The following JADE2 variants were observed in gnomAD, a reference collection of about 807,000 sequenced individuals.
The protein encoded by JADE2 is jade family PHD finger 2.
JADE2 carries 13 observed loss-of-function variants against 85.7 expected under a neutral mutation model. The ratio of observed to expected loss-of-function variants is 0.15; its 90% CI spans 0.10 to 0.24. The LOEUF is 0.24. Among genes scored for constraint, JADE2 ranks in the 10% least tolerant of loss-of-function variants. The pLI, the probability that JADE2 is intolerant of heterozygous loss-of-function variation, is 1.00. For synonymous variants in JADE2, 440 were observed against 456.1 expected (o/e 0.96, Z 0.45); for missense variants, 846 against 1,115.9 (o/e 0.76, Z 3.45).
chr5:134,579,165 G>A lies in JADE2; in HGVS notation c.2353G>A (p.Val785Ile), dbSNP rs150769459. The change falls in exon 12 of 12, where the codon GTC (valine) becomes ATC (isoleucine). Residue 785 changes from valine (V) to isoleucine (I), a missense_variant. Val to Ile is a conservative substitution (Grantham distance 29). Around this residue, in one of 9 missense-constraint regions of JADE2, gnomAD observed 300 missense variants for 300.7 expected, o/e 1.00. Transcript: ENST00000681547. The surrounding 1 kb of genome is among the most constrained non-coding windows in gnomAD (Gnocchi z 4.6). ...PPSAVAERPK[V>I]SLHFDTETDG... ...TTCAGCTGTGGCTGAGAGGCCCAAG[G>A]TCAGCCTGCATTTTGACACTGAGAC... 7.6e-4 allele frequency: 1,221 copies of A among 1,614,264 alleles called. 1 individual carries two copies. Among genetic ancestry groups the A allele is most frequent in the Middle Eastern group, 2.0e-3 (12 of 6,062 alleles).
Position 134,552,156 on chromosome 5 carries a change from G to A in JADE2, c.258G>A (p.Glu86=). The change falls in exon 4 of 12, where the codon GAG becomes GAA. Residue 86 remains glutamate, a synonymous_variant. Coordinates refer to ENST00000681547, the MANE Select transcript of JADE2 (RefSeq NM_001388185.1). ...CAGACCCATGGCGACAGGAATGGGA[G>A]AAAGGTGTGCAGGTGCCTGCCGGGG... ...ILADPWRQEW[E]KGVQVPAGAE... is the part of the protein sequence containing the mutation. 1 of 1,614,246 alleles carries A rather than the reference G, an allele frequency of 6.2e-7. No homozygotes were observed. The highest frequency in any genetic ancestry group is 8.5e-7 in the Non-Finnish European group (1 of 1,180,038).
At chr5:134,574,613 C>T (rs329324) in intron 10 of JADE2, 20,446 of 152,498 alleles carry the variant, frequency 0.13, 1,785 homozygotes, top group South Asian at 0.41. Flanking sequence ...ACTTCTGCCC[C>T]AGAGCTGAGC....
At chr5:134,558,438 G>A (rs1196351761) in intron 4 of JADE2, among the ~76,000 whole-genome samples, 5 of 149,498 alleles carry the variant, frequency 3.3e-5, no homozygotes, top group Non-Finnish European at 7.4e-5. Context: ...TTGGTGTTTT[G>A]GACATGAAGT....
Position 134,525,975 on chromosome 5 carries a change from G to A in JADE2, c.-37G>A, listed in dbSNP as rs1288237255. 1.0e-6 allele frequency: 1 copy of A among 985,498 alleles called. No homozygotes were observed. The highest frequency in any genetic ancestry group is 1.2e-6 in the Non-Finnish European group (1 of 830,172). 61.0% of individuals were successfully genotyped at this position (985,498 alleles called of 1,614,324 possible). On this transcript the variant is annotated 5_prime_UTR_variant, in exon 1 of 12. Transcript: ENST00000681547. ...CCGGTCCCTGCAGCGGCGCGTAGCC[G>A]AGGGCAGCGCCCGTCAGGGGGGCAC...
At chr5:134,555,974 G>A (rs1762889618) in intron 4 of JADE2, among the ~76,000 whole-genome samples, 1 of 152,076 alleles carries the variant, frequency 6.6e-6, no homozygotes, top group Non-Finnish European at 1.5e-5. Context: ...CTCCTGGCTC[G>A]GAGGCCATTC....
chr5:134,548,291 G>A (rs967628509), intron 3 of JADE2, among the ~76,000 whole-genome samples: 2 of 152,228 alleles, frequency 1.3e-5, no homozygotes, highest in Non-Finnish European at 2.9e-5. Context: ...TGGCCAAAAG[G>A]GGCAGGAGTT....
At chr5:134,569,648 C>A (rs1254186582) in intron 9 of JADE2, among the ~76,000 whole-genome samples, 3 of 152,132 alleles carry the variant, frequency 2.0e-5, no homozygotes, top group African/African-American at 7.2e-5. Flanking sequence ...CTGACCTGGC[C>A]TGAGGAGGAG....
rs1015610417 is a variant in JADE2, at chr5:134,580,988, T to TC, written c.*1673dup. 3 of 152,574 alleles carry TC rather than the reference T, an allele frequency of 2.0e-5. No homozygotes were observed. Among genetic ancestry groups the TC allele is most frequent in the African/African-American group, 7.2e-5 (3 of 41,442 alleles). 9.5% of individuals were successfully genotyped at this position (152,574 alleles called of 1,614,324 possible). A position where few individuals can be genotyped will look rare whatever the true frequency, so the allele number is the denominator to read the frequency against. On this transcript the variant is annotated 3_prime_UTR_variant, in exon 12 of 12. Coordinates refer to ENST00000681547, the MANE Select transcript of JADE2 (RefSeq NM_001388185.1). ...AAAACGTCTTTACCATGTGGTTCCCTCCTCCCCAAATACATAAAGCAAATA... is the reference window on the plus strand; with the variant it reads ...AAAACGTCTTTACCATGTGGTTCCCTCCCTCCCCAAATACATAAAGCAAATA...
At chr5:134,547,697 A>G (rs113454860) in intron 3 of JADE2, among the ~76,000 whole-genome samples, 3 of 152,338 alleles carry the variant, frequency 2.0e-5, no homozygotes, top group African/African-American at 7.2e-5. Flanking sequence ...TTTGGAAGGC[A>G]TGGAGTACCC....
In JADE2 at chr5:134,562,269, C is replaced by G. The variant is rs1339590236; in HGVS notation, c.754C>G (p.Pro252Ala). 2 of 1,613,970 alleles carry G rather than the reference C, an allele frequency of 1.2e-6. No homozygotes were observed. The highest frequency in any genetic ancestry group is 1.6e-4 in the Middle Eastern group (1 of 6,084). ...LCRTCALGVQ[P>A]KCLLCPKRGG... The stretch of plus-strand genomic sequence containing the variant: ...CCGGACGTGTGCCCTGGGTGTCCAG[C>G]CAAAGTGCCTGCTCTGCCCCAAGCG... Residue 252 changes from proline (P) to alanine (A), a missense_variant, in exon 7 of 12, where the codon CCA (proline) becomes GCA (alanine). Around this residue, in one of 9 missense-constraint regions of JADE2, gnomAD observed 129 missense variants for 255.4 expected, o/e 0.51. Coordinates refer to ENST00000681547, the MANE Select transcript of JADE2 (RefSeq NM_001388185.1). The surrounding 1 kb of genome is among the most constrained non-coding windows in gnomAD (Gnocchi z 4.6).
Position 134,576,818 on chromosome 5 carries a change from G to A in JADE2, c.1603G>A (p.Gly535Ser), listed in dbSNP as rs1764395950. The A allele has an allele frequency of 1.2e-5, 18 of 1,550,434 alleles. No homozygotes were observed. The highest frequency in any genetic ancestry group is 2.0e-5 in the Admixed American group (1 of 50,970). The change falls in exon 11 of 12, where the codon GGC becomes AGC. Residue 535 changes from glycine (G) to serine (S), a missense_variant. Gly to Ser is a moderately conservative substitution (Grantham distance 56). Around this residue, in one of 9 missense-constraint regions of JADE2, gnomAD observed 119 missense variants for 163.9 expected, o/e 0.73. Coordinates refer to ENST00000681547, the MANE Select transcript of JADE2 (RefSeq NM_001388185.1). ...CAAGAAGAGTGACTCGAAGAGGAAG[G>A]GCTGCGAGGGCTCCAAGGGCAGCAC... ...KGKKSDSKRK[G>S]CEGSKGSTEK...
Position 134,576,792 on chromosome 5 carries a change from G to A in JADE2, c.1577G>A (p.Gly526Asp), listed in dbSNP as rs971877774. ...GAGCGGTCTGGGAGGAGAGCAAAGG[G>A]CAAGAAGAGTGACTCGAAGAGGAAG... ...CRERSGRRAKGKKSDSKRKGC... is the reference protein window; with the variant it reads ...CRERSGRRAKDKKSDSKRKGC... Residue 526 changes from glycine (G) to aspartate (D), a missense_variant, in exon 11 of 12, where the codon GGC (glycine) becomes GAC (aspartate). Gly to Asp is a moderately conservative substitution (Grantham distance 94). Around this residue, in one of 9 missense-constraint regions of JADE2, gnomAD observed 119 missense variants for 163.9 expected, o/e 0.73. Coordinates refer to ENST00000681547, the MANE Select transcript of JADE2 (RefSeq NM_001388185.1). 3 of 1,550,474 alleles carry A rather than the reference G, an allele frequency of 1.9e-6. No homozygotes were observed. Among genetic ancestry groups the A allele is most frequent in the African/African-American group, 2.7e-5 (2 of 73,034 alleles).
intron 11 of JADE2, chr5:134,577,174 G>C (rs1286798307): frequency 2.8e-6 from 1 of 363,618 alleles, no homozygotes; most frequent in Non-Finnish European, 4.9e-6. Context: ...CCCCTGGCTG[G>C]GGGGTCCTGG....
chr5:134,576,922 A>G (rs1481495591), intron 11 of JADE2, 26 bp downstream of exon 11: 1 of 1,516,528 alleles, frequency 6.6e-7, no homozygotes, highest in African/African-American at 1.4e-5. Flanking sequence ...GCTGGCCTGC[A>G]GACACGGCAG....
rs1422797493 is a variant in JADE2, at chr5:134,579,460, A to T, written c.*143A>T. On this transcript the variant is annotated 3_prime_UTR_variant, in exon 12 of 12. Transcript: ENST00000681547. This position sits in a 1 kb window ranked among gnomAD's most constrained non-coding sequence, Gnocchi z 4.6. ...TCGTGGTTTTATTTTTAATATAGAG[A>T]GAGTTTTGAATTCTACACTGTTGTC... 1 of 642,972 alleles carries T rather than the reference A, an allele frequency of 1.6e-6. No homozygotes were observed. Among genetic ancestry groups the T allele is most frequent in the East Asian group, 2.7e-5 (1 of 36,426 alleles). The allele number at this position is 642,972 out of a possible 1,614,324, so 39.8% of individuals were successfully genotyped here. A position where few individuals can be genotyped will look rare whatever the true frequency, so the allele number is the denominator to read the frequency against.
At chr5:134,577,020 C>T (rs1008248619) in intron 11 of JADE2, 124 bp downstream of exon 11, 3 of 1,179,622 alleles carry the variant, frequency 2.5e-6, no homozygotes. Context: ...GAGCGGTAAC[C>T]AGGCCCTTGC....
intron 4 of JADE2, among the ~76,000 whole-genome samples, chr5:134,557,453 A>G (rs898485018): frequency 5.9e-5 from 8 of 136,396 alleles, no homozygotes; most frequent in African/African-American, 2.2e-4. Flanking sequence ...ATATGTATAC[A>G]TGTGCCATGC....
chr5:134,560,509 C>T (rs1437918242), intron 5 of JADE2, among the ~76,000 whole-genome samples: 1 of 152,210 alleles, frequency 6.6e-6, no homozygotes, highest in Non-Finnish European at 1.5e-5. Context: ...CCTGTGGTCA[C>T]AGGCAGGCTG....
In JADE2 at chr5:134,582,191, T is replaced by G. The variant is rs1764744260; in HGVS notation, c.*2874T>G. ...CAAAGGATAATGTGCAAGAAAAGTATTTTTATGTATCATAAATGTATTTTG... is the reference window on the plus strand; with the variant it reads ...CAAAGGATAATGTGCAAGAAAAGTAGTTTTATGTATCATAAATGTATTTTG... On this transcript the variant is annotated 3_prime_UTR_variant, in exon 12 of 12. Coordinates refer to ENST00000681547, the MANE Select transcript of JADE2 (RefSeq NM_001388185.1). 1 of 152,280 alleles carries G rather than the reference T, an allele frequency of 6.6e-6. No individual in the cohort carries two copies. Among genetic ancestry groups the G allele is most frequent in the Admixed American group, 6.5e-5 (1 of 15,292 alleles). The allele number at this position is 152,280 out of a possible 1,614,324, so 9.4% of individuals were successfully genotyped here.
Sources: gnomAD v4.1 joint callset for allele counts (sites outside exome capture counted in the v4.1 genomes callset) on GRCh38, gnomAD v4.1.1 for gene constraint, gnomAD v4.1.1 regional missense constraint, Gnocchi (gnomAD v3.1) non-coding constraint, MANE v1.5 for transcripts, NCBI Gene and HGNC (gene_info 2026-07-23, HGNC 2026-07-21) for gene names.